MBTPS1: variants seen among roughly 807,000 people sequenced by gnomAD.
MBTPS1 encodes the protein membrane-bound transcription factor site-1 protease.
In MBTPS1, 94 loss-of-function variants were observed where a neutral mutation model predicts 127.8. The ratio of observed to expected loss-of-function variants is 0.74; its 90% confidence interval spans 0.62 to 0.87. The LOEUF (loss-of-function observed/expected upper bound fraction) is 0.87. MBTPS1 is among the 40% of genes least tolerant of loss of function. The pLI is 0.00. For missense variants in MBTPS1, 1,636 were observed against 1,353.2 expected (o/e 1.21, Z -3.28); for synonymous variants, 632 against 509.4 (o/e 1.24, Z -3.24).
At chr16:84,065,586 AG>A (rs1290537876) in intron 18 of MBTPS1, 103 bp downstream of exon 18, 1 of 784,588 alleles carries the variant, frequency 1.3e-6, no homozygotes, top group African/African-American at 1.7e-5. Flanking sequence ...TATGCAATAA[AG>A]CTTTTATTAA....
At chr16:84,091,960 T>G (rs989713171) in intron 6 of MBTPS1, 112 bp from the exon 7 acceptor site, 2 of 682,326 alleles carry the variant, frequency 2.9e-6, no homozygotes, top group African/African-American at 3.6e-5. Context: ...CTTAATTTTT[T>G]TTTACTTAAA....
At chr16:84,068,805 T>C (rs919519167) in intron 14 of MBTPS1, among the ~76,000 whole-genome samples, 4 of 152,200 alleles carry the variant, frequency 2.6e-5, no homozygotes, top group African/African-American at 9.7e-5. Flanking sequence ...GCTTAGCAAA[T>C]AGCCGCGGGA....
Position 84,091,393 on chromosome 16 carries a change from G to C in MBTPS1, c.963+339C>G, listed in dbSNP as rs796837675. 1.4e-4 allele frequency among the ~76,000 whole-genome samples: 21 copies of C among 150,886 alleles called. 1 individual carries two copies. The highest frequency in any genetic ancestry group is 4.9e-4 in the African/African-American group (20 of 41,034). The stretch of plus-strand genomic sequence containing the variant: ...CCCGGCTACTTGGGAGGCTGAGGCA[G>C]GAGAACCGCTTGAACCTGGGAGGCG... On this transcript the variant is annotated intron_variant, in intron 7 of 22. Transcript: ENST00000343411.
At chr16:84,055,744 A>C (rs1481870480) in intron 22 of MBTPS1, among the ~76,000 whole-genome samples, 1 of 152,246 alleles carries the variant, frequency 6.6e-6, no homozygotes, top group Non-Finnish European at 1.5e-5. Context: ...GTTTAAGTAG[A>C]TCACCCAGCC....
Position 84,070,607 on chromosome 16 carries a change from G to A in MBTPS1, c.1763C>T (p.Ala588Val). 2 of 1,612,374 alleles carry A rather than the reference G, an allele frequency of 1.2e-6. No homozygotes were observed. The highest frequency in any genetic ancestry group is 8.5e-7 in the Non-Finnish European group (1 of 1,179,754). Residue 588 changes from alanine to valine, a missense_variant, in exon 13 of 23, where the codon GCT (alanine) becomes GTT (valine). Coordinates refer to ENST00000343411, the MANE Select transcript of MBTPS1 (RefSeq NM_003791.4). ...CCCTACCTCTGTCTCTGCTGGGGAA[G>A]CCACAGTGATCATGACATGGCCCTG... ...IAQGHVMITVASPAETESKNG... is the reference protein window; with the variant it reads ...IAQGHVMITVVSPAETESKNG...
At position 84,060,902 on chromosome 16, in the gene MBTPS1, T is replaced by C. The variant is rs1330513941; in HGVS notation, c.2573-89A>G. ...GTCACCCAGTGCAGTGGCGCAATCA[T>C]AGCTCACTGCAGCCTTGAGCTCCTG... is the stretch of plus-strand genomic sequence containing the variant. On this transcript the variant is annotated intron_variant, in intron 19 of 22. Coordinates refer to ENST00000343411, the MANE Select transcript of MBTPS1 (RefSeq NM_003791.4). The C allele has an allele frequency of 7.7e-6, 10 of 1,296,362 alleles. No individual in the cohort carries two copies. In the East Asian group the frequency reaches 1.8e-4, roughly 24 times the overall value. 80.3% of individuals were successfully genotyped at this position (1,296,362 alleles called of 1,614,324 possible).
At chr16:84,099,444 G>C (rs1597346290) in intron 2 of MBTPS1, 134 bp from the exon 3 acceptor site, 1 of 900,784 alleles carries the variant, frequency 1.1e-6, no homozygotes, top group Non-Finnish European at 1.6e-6. Context: ...AAAACACAAA[G>C]ACTAGTTTAA....
chr16:84,093,154 TTCC>T, intron 6 of MBTPS1, 31 bp downstream of exon 6: 2 of 1,340,190 alleles, frequency 1.5e-6, no homozygotes, highest in Non-Finnish European at 2.2e-6. Flanking sequence ...TCAGTATGAA[TTCC>T]TCAAGTTTCA....
At chr16:84,062,426 G>T (rs541278573) in intron 19 of MBTPS1, among the ~76,000 whole-genome samples, 9 of 152,240 alleles carry the variant, frequency 5.9e-5, no homozygotes, top group African/African-American at 1.9e-4. Flanking sequence ...GCCCATTTTT[G>T]ATTTTTAAAA....
chr16:84,090,973 A>G (rs768982729), intron 7 of MBTPS1, 31 bp from the exon 8 acceptor site: 7 of 1,334,996 alleles, frequency 5.2e-6, no homozygotes, highest in Non-Finnish European at 7.5e-6. Context: ...TAATGAAAGT[A>G]TCCCTTTCAT....
intron 21 of MBTPS1, 103 bp from the exon 22 acceptor site, chr16:84,056,238 A>C: frequency 1.0e-6 from 1 of 969,216 alleles, no homozygotes; most frequent in Non-Finnish European, 1.5e-6. Flanking sequence ...CAAGTGATCT[A>C]CGGGGAGATG....
chr16:84,068,476 C>A (rs1188787093), intron 14 of MBTPS1, 22 bp from the exon 15 acceptor site: 2 of 1,489,480 alleles, frequency 1.3e-6, no homozygotes, highest in African/African-American at 2.8e-5. Context: ...TAGGCCACAG[C>A]ATTAAAATGA....
rs116279214 is a variant in MBTPS1 at position 84,107,419 on chromosome 16, C to T, written c.-324-5312G>A. On this transcript the variant is annotated intron_variant, in intron 1 of 22. Coordinates refer to ENST00000343411, the MANE Select transcript of MBTPS1 (RefSeq NM_003791.4). ...GCTGGAAATGACAGGGACAAGGACACACCCCCTTGCTGTGTTTGGATCTCG... is the reference window on the plus strand; with the variant it reads ...GCTGGAAATGACAGGGACAAGGACATACCCCCTTGCTGTGTTTGGATCTCG... Among the ~76,000 whole-genome samples, 661 of 152,292 alleles carry T rather than the reference C, an allele frequency of 4.3e-3. 8 individuals are homozygous for T. Among genetic ancestry groups the T allele is most frequent in the African/African-American group, 0.016 (652 of 41,546 alleles).
chr16:84,103,636 C>T (rs553431799), intron 1 of MBTPS1, among the ~76,000 whole-genome samples: 1 of 152,264 alleles, frequency 6.6e-6, no homozygotes, highest in South Asian at 2.1e-4. Flanking sequence ...AAAACTCATT[C>T]TTCTGGCAGA....
chr16:84,089,034 T>C lies in MBTPS1; in HGVS notation c.1032-1574A>G, dbSNP rs139609137. On this transcript the variant is annotated intron_variant, in intron 8 of 22. Transcript: ENST00000343411. ...GCAACCACCCACAAAAGCCACAGGG[T>C]TTCAGAACGGCAGCCAGCGTGTGAC... Among the ~76,000 whole-genome samples, 1,449 of 152,190 alleles carry C rather than the reference T, an allele frequency of 9.5e-3. 11 individuals are homozygous for C. Among genetic ancestry groups the C allele is most frequent in the Non-Finnish European group, 0.013 (863 of 68,008 alleles).
At chr16:84,085,817 A>T (rs1417438162) in intron 9 of MBTPS1, among the ~76,000 whole-genome samples, 1 of 152,118 alleles carries the variant, frequency 6.6e-6, no homozygotes, top group Non-Finnish European at 1.5e-5. Flanking sequence ...GATAAGTTAA[A>T]ATTAGAAATA....
At chr16:84,112,970 A>G (rs1265477086) in intron 1 of MBTPS1, among the ~76,000 whole-genome samples, 3 of 138,846 alleles carry the variant, frequency 2.2e-5, no homozygotes, top group Non-Finnish European at 4.7e-5. Context: ...GCGAGATGCC[A>G]TCTCAAAAAA....
chr16:84,083,132 T>G (rs574046948), intron 10 of MBTPS1, among the ~76,000 whole-genome samples: 2 of 152,166 alleles, frequency 1.3e-5, no homozygotes, highest in Non-Finnish European at 2.9e-5. Flanking sequence ...CTGCTAACAA[T>G]CATGGCGTTT....
At chr16:84,090,630 A>G (rs1241652921) in intron 8 of MBTPS1, among the ~76,000 whole-genome samples, 1 of 152,234 alleles carries the variant, frequency 6.6e-6, no homozygotes, top group African/African-American at 2.4e-5. Flanking sequence ...ATTTGTAACA[A>G]AATTTTAAAA....
Sources: gnomAD v4.1 joint callset for allele counts (sites outside exome capture counted in the v4.1 genomes callset) on GRCh38, gnomAD v4.1.1 for gene constraint, MANE v1.5 for transcripts, NCBI Gene and HGNC (gene_info 2026-07-23, HGNC 2026-07-21) for gene names.